The following CSMD2 variants were observed in gnomAD, a reference collection of about 807,000 sequenced individuals.
The protein encoded by CSMD2 is CUB and Sushi multiple domains 2, also known as CUB and sushi domain-containing protein 2.
CSMD2 carries 130 observed loss-of-function variants against 398.5 expected under a neutral mutation model. That is an observed-to-expected ratio of 0.33 (90% CI 0.28 to 0.38). The LOEUF is 0.38. Ranked by LOEUF, CSMD2 falls within the 10% of genes least tolerant of loss-of-function variation. The pLI is 1.00. For missense variants in CSMD2, 3,829 were observed against 4,764.9 expected (o/e 0.80, Z 5.78); for synonymous variants, 1,828 against 1,908.5 (o/e 0.96, Z 1.10).
chr1:33,679,203 T>G (rs1328832871), intron 25 of CSMD2, among the ~76,000 whole-genome samples: 78 of 148,936 alleles, frequency 5.2e-4, no homozygotes, highest in African/African-American at 1.8e-3. Context: ...GCAGTTGTTT[T>G]TTTTTTTTTT....
chr1:34,122,091 T>C (rs1662248910), intron 1 of CSMD2, among the ~76,000 whole-genome samples: 2 of 151,860 alleles, frequency 1.3e-5, no homozygotes, highest in Non-Finnish European at 2.9e-5. Flanking sequence ...ACAACGGTTC[T>C]AAATTTGGGG....
chr1:33,677,339 A>G (rs1644751791), intron 25 of CSMD2, among the ~76,000 whole-genome samples: 1 of 152,246 alleles, frequency 6.6e-6, no homozygotes, highest in Admixed American at 6.5e-5. Flanking sequence ...ACATTTATGC[A>G]GTCAAAAAAC....
chr1:33,720,179 AT>A (rs1056911245), intron 19 of CSMD2, among the ~76,000 whole-genome samples: 1 of 152,214 alleles, frequency 6.6e-6, no homozygotes, highest in African/African-American at 2.4e-5. Flanking sequence ...GTTCAATTTG[AT>A]TCATATCACC....
intron 1 of CSMD2, among the ~76,000 whole-genome samples, chr1:34,089,547 C>A (rs1658313915): frequency 6.6e-6 from 1 of 152,166 alleles, no homozygotes; most frequent in African/African-American, 2.4e-5. Context: ...CAATTTCAAA[C>A]CTTCTCCATT....
chr1:33,680,046 G>A (rs1360365577), intron 25 of CSMD2, among the ~76,000 whole-genome samples: 2 of 150,852 alleles, frequency 1.3e-5, no homozygotes, highest in Non-Finnish European at 2.9e-5. Flanking sequence ...TCAGCCTCCC[G>A]AGTAGCTGGG....
At position 34,076,001 on chromosome 1, in the gene CSMD2, T is replaced by C. The variant is rs1656280455; in HGVS notation, c.404+12976A>G. ...GATCAGCTTCTATTGTAAATTTAAT[T>C]TGAAGCAGCCAGACGCTGCCTTCTG... On this transcript the variant is annotated intron_variant, in intron 2 of 70. Coordinates refer to ENST00000373381, the MANE Select transcript of CSMD2 (RefSeq NM_001281956.2). 3.3e-5 allele frequency among the ~76,000 whole-genome samples: 5 copies of C among 152,308 alleles called. 1 individual carries two copies. In the South Asian group the frequency reaches 8.3e-4, roughly 25 times the overall value.
At chr1:33,768,399 C>T (rs1650803578) in intron 13 of CSMD2, among the ~76,000 whole-genome samples, 1 of 151,858 alleles carries the variant, frequency 6.6e-6, no homozygotes, top group African/African-American at 2.4e-5. Flanking sequence ...CAATACTGCC[C>T]CACACAAAAA....
At chr1:33,848,747 T>C (rs1481932225) in intron 5 of CSMD2, among the ~76,000 whole-genome samples, 1 of 151,928 alleles carries the variant, frequency 6.6e-6, no homozygotes, top group African/African-American at 2.4e-5. Context: ...CAGATCCCAT[T>C]TAAAATAGTT....
At chr1:33,791,111 A>C (rs1239595639) in intron 11 of CSMD2, among the ~76,000 whole-genome samples, 1 of 152,206 alleles carries the variant, frequency 6.6e-6, no homozygotes, top group East Asian at 1.9e-4. Context: ...AGGACAAGCC[A>C]GCTGTTACTA....
chr1:33,522,442 T>C (rs1654399377), intron 67 of CSMD2, among the ~76,000 whole-genome samples: 1 of 152,204 alleles, frequency 6.6e-6, no homozygotes, highest in Admixed American at 6.5e-5. Flanking sequence ...GCCACGATGA[T>C]TGAAGCTGGC....
intron 22 of CSMD2, among the ~76,000 whole-genome samples, chr1:33,703,223 A>T (rs1463836309): frequency 6.6e-6 from 1 of 152,168 alleles, no homozygotes; most frequent in Non-Finnish European, 1.5e-5. Context: ...AAAACAAAAA[A>T]CTCCCCAACA....
In CSMD2 at chr1:33,658,000, A is replaced by G. The variant is rs1484688716; in HGVS notation, c.4393T>C (p.Cys1465Arg). The G allele has an allele frequency of 1.2e-6, 2 of 1,614,186 alleles. No homozygotes were observed. The highest frequency in any genetic ancestry group is 8.5e-7 in the Non-Finnish European group (1 of 1,180,030). ...AAGAACCTGTTCTCGATCTTCACACAGCTGATCTCTGCACTTCCCTGCAGC... is the reference window on the plus strand; with the variant it reads ...AAGAACCTGTTCTCGATCTTCACACGGCTGATCTCTGCACTTCCCTGCAGC... The part of the protein sequence containing the change: ...YALQGSAEIS[C>R]VKIENRFFWQ... Residue 1465 changes from cysteine to arginine, a missense_variant, in exon 27 of 71, where the codon TGT (cysteine) becomes CGT (arginine). Physicochemically the swap from Cys to Arg is radical, Grantham distance 180. Transcript: ENST00000373381.
chr1:33,548,125 C>A (rs746656942), intron 56 of CSMD2, among the ~76,000 whole-genome samples: 8 of 152,186 alleles, frequency 5.3e-5, no homozygotes, highest in Non-Finnish European at 1.2e-4. Context: ...TGAGACCTTC[C>A]CAGAGGCAGA....
intron 1 of CSMD2, among the ~76,000 whole-genome samples, chr1:34,142,191 G>A (rs904921078): frequency 1.3e-5 from 2 of 152,182 alleles, no homozygotes; most frequent in Non-Finnish European, 2.9e-5. Flanking sequence ...GGCCTTTGGG[G>A]AAGAGATGGG....
chr1:33,873,176 T>A (rs1474984256), intron 5 of CSMD2, among the ~76,000 whole-genome samples: 2 of 152,168 alleles, frequency 1.3e-5, no homozygotes, highest in Non-Finnish European at 1.5e-5. Flanking sequence ...ATTTAGATGA[T>A]GAGATCCTGG....
At chr1:33,730,155 A>C (rs1397762497) in intron 15 of CSMD2, among the ~76,000 whole-genome samples, 1 of 152,222 alleles carries the variant, frequency 6.6e-6, no homozygotes, top group African/African-American at 2.4e-5. Flanking sequence ...TCTATATAAT[A>C]TCATGGAGTG....
intron 1 of CSMD2, among the ~76,000 whole-genome samples, chr1:34,089,966 T>C (rs995334490): frequency 1.3e-5 from 2 of 152,196 alleles, no homozygotes; most frequent in African/African-American, 4.8e-5. Context: ...TCTGTCTCCA[T>C]TTCCTTACTT....
At chr1:33,907,317 C>T (rs535100492) in intron 5 of CSMD2, among the ~76,000 whole-genome samples, 49 of 150,380 alleles carry the variant, frequency 3.3e-4, no homozygotes, top group East Asian at 2.0e-3. Flanking sequence ...TTAGTAGAGA[C>T]GGGGTTTCAC....
At chr1:33,789,976 T>C (rs1172924044) in intron 11 of CSMD2, among the ~76,000 whole-genome samples, 6 of 152,204 alleles carry the variant, frequency 3.9e-5, no homozygotes, top group Non-Finnish European at 7.3e-5. Context: ...TTTCACTCTA[T>C]GTTAAATGAG....
Sources: allele counts gnomAD v4.1 joint callset (sites outside exome capture counted in the v4.1 genomes callset), GRCh38; gene constraint gnomAD v4.1.1; transcripts MANE v1.5; gene names NCBI Gene and HGNC (gene_info 2026-07-23, HGNC 2026-07-21).